Variants in SGK3 observed in about 807,000 individuals in gnomAD.
The protein encoded by SGK3 is serum/glucocorticoid regulated kinase family member 3.
A neutral mutation model predicts 68.5 loss-of-function variants in SGK3; 47 were observed. That is an observed-to-expected ratio of 0.69 (90% CI 0.54 to 0.87). SGK3 has a LOEUF of 0.87. Ranked by LOEUF, SGK3 falls within the 40% of genes least tolerant of loss-of-function variation. SGK3 has a pLI of 0.00. For synonymous variants in SGK3, 181 were observed against 189.1 expected (o/e 0.96, Z 0.35); for missense variants, 479 against 575.5 (o/e 0.83, Z 1.72).
chr8:66,800,365 G>T (rs1426882053), intron 3 of SGK3, among the ~76,000 whole-genome samples: 1 of 146,752 alleles, frequency 6.8e-6, no homozygotes, highest in African/African-American at 2.5e-5. Flanking sequence ...GGCGGGGGGG[G>T]AGTTTTTTCA....
At chr8:66,843,756 G>T (rs1264830536) in intron 14 of SGK3, among the ~76,000 whole-genome samples, 2 of 152,148 alleles carry the variant, frequency 1.3e-5, no homozygotes, top group Non-Finnish European at 1.5e-5. Flanking sequence ...CACTTTGGGA[G>T]GCCAAGGCAG....
chr8:66,797,752 G>GCTACA (rs1807757744), intron 2 of SGK3, among the ~76,000 whole-genome samples: 2 of 152,126 alleles, frequency 1.3e-5, no homozygotes, highest in Non-Finnish European at 2.9e-5. Context: ...AAAATACTTT[G>GCTACA]TAAGTTCCAG....
intron 7 of SGK3, among the ~76,000 whole-genome samples, chr8:66,829,208 T>G (rs970488364): frequency 3.3e-5 from 5 of 152,188 alleles, no homozygotes; most frequent in Non-Finnish European, 7.3e-5. Flanking sequence ...TCTCCCCATA[T>G]TCCCAGGCTA....
rs756819734 is a variant in SGK3, at chr8:66,840,017, A to G, written c.756A>G (p.Leu252=). The G allele has an allele frequency of 2.5e-6, 4 of 1,613,206 alleles. No individual in the cohort carries two copies. The highest frequency in any genetic ancestry group is 3.4e-6 in the Non-Finnish European group (4 of 1,179,772). ...FVNGGELFFH[L]QRERSFPEHR... is the part of the protein sequence containing the mutation. ...CAATTTGACAGCTTTTTTTCCACTTACAAAGAGAACGGTCCTTTCCTGAGC... is the reference window on the plus strand; with the variant it reads ...CAATTTGACAGCTTTTTTTCCACTTGCAAAGAGAACGGTCCTTTCCTGAGC... Residue 252 remains leucine (L), a synonymous_variant, in exon 11 of 17, where the codon TTA becomes TTG. Coordinates refer to ENST00000521198, the MANE Select transcript of SGK3 (RefSeq NM_001033578.3).
rs774341369 is a variant in SGK3, at chr8:66,793,728, A to G, written c.-9A>G. ...GGATGCATTTTTTGGTGTGCTCTTG[A>G]GGGATTAAATGCAAAGAGATCACAC... is the stretch of plus-strand genomic sequence containing the variant. On this transcript the variant is annotated 5_prime_UTR_variant, in exon 2 of 17. It removes the in-frame stop codon of an upstream open reading frame in the 5' UTR. Coordinates refer to ENST00000521198, the MANE Select transcript of SGK3 (RefSeq NM_001033578.3). 1.9e-6 allele frequency: 3 copies of G among 1,611,686 alleles called. No individual in the cohort carries two copies. The South Asian group carries it at 3.3e-5, about 18-fold the overall frequency.
intron 1 of SGK3, among the ~76,000 whole-genome samples, chr8:66,739,999 A>G (rs1463743171): frequency 1.3e-5 from 2 of 152,222 alleles, no homozygotes; most frequent in Non-Finnish European, 2.9e-5. Flanking sequence ...GGGAACTACA[A>G]TTCAAGATGA....
chr8:66,716,601 A>C (rs149076210), intron 1 of SGK3, among the ~76,000 whole-genome samples: 1 of 151,932 alleles, frequency 6.6e-6, no homozygotes, highest in Non-Finnish European at 1.5e-5. Context: ...TGAAGATACA[A>C]GGGGAATTGT....
At chr8:66,839,851 C>T (rs1345119476) in intron 10 of SGK3, 152 bp from the exon 11 acceptor site, 4 of 651,408 alleles carry the variant, frequency 6.1e-6, no homozygotes, top group South Asian at 2.3e-5. Context: ...GAAGGGGAGT[C>T]ACATTTCTGT....
At chr8:66,732,844 A>G (rs934246248) in intron 1 of SGK3, among the ~76,000 whole-genome samples, 5 of 149,108 alleles carry the variant, frequency 3.4e-5, no homozygotes, top group Admixed American at 3.3e-4. Context: ...GAGAGACCAC[A>G]TAAATTTTAT....
At chr8:66,762,406 A>G (rs901045084) in intron 1 of SGK3, among the ~76,000 whole-genome samples, 2 of 152,158 alleles carry the variant, frequency 1.3e-5, no homozygotes, top group African/African-American at 4.8e-5. Flanking sequence ...AATCCCAGGT[A>G]CTCGGGAGGC....
chr8:66,722,494 G>C (rs368989765), intron 1 of SGK3, among the ~76,000 whole-genome samples: 1 of 152,122 alleles, frequency 6.6e-6, no homozygotes, highest in African/African-American at 2.4e-5. Context: ...GGATGGTCTC[G>C]ATCTGCTGAC....
At chr8:66,779,944 G>A (rs996775655) in intron 1 of SGK3, among the ~76,000 whole-genome samples, 2 of 151,938 alleles carry the variant, frequency 1.3e-5, no homozygotes, top group African/African-American at 4.8e-5. Context: ...TTATCACACT[G>A]CATAAGCATC....
At position 66,851,963 on chromosome 8, in the gene SGK3, A is replaced by G. The variant is rs1402277799; in HGVS notation, c.1320+1043A>G. Among the ~76,000 whole-genome samples the G allele has an allele frequency of 4.6e-5, 7 of 152,314 alleles. No homozygotes were observed. In the East Asian group the frequency reaches 1.3e-3, roughly 29 times the overall value. On this transcript the variant is annotated intron_variant, in intron 16 of 16. Coordinates refer to ENST00000521198, the MANE Select transcript of SGK3 (RefSeq NM_001033578.3). ...TATAAATGAGGAAATAGAAGCTCAGAGATGTCTCATAGCTGGATAGTAGAG... is the reference window on the plus strand; with the variant it reads ...TATAAATGAGGAAATAGAAGCTCAGGGATGTCTCATAGCTGGATAGTAGAG...
At chr8:66,768,389 G>A (rs987210016) in intron 1 of SGK3, among the ~76,000 whole-genome samples, 1 of 147,494 alleles carries the variant, frequency 6.8e-6, no homozygotes, top group African/African-American at 2.5e-5. Context: ...GTTTCTTGTT[G>A]TATGAGTCTA....
At chr8:66,846,018 T>A (rs1280094354) in intron 14 of SGK3, among the ~76,000 whole-genome samples, 1 of 152,120 alleles carries the variant, frequency 6.6e-6, no homozygotes, top group Non-Finnish European at 1.5e-5. Flanking sequence ...TAACTAATAT[T>A]TAAAAGGTAA....
chr8:66,846,572 C>A (rs192543129), intron 14 of SGK3, among the ~76,000 whole-genome samples: 1 of 152,168 alleles, frequency 6.6e-6, no homozygotes, highest in Non-Finnish European at 1.5e-5. Context: ...CCTCAGCCCC[C>A]CAAAGTGCTG....
intron 4 of SGK3, among the ~76,000 whole-genome samples, chr8:66,810,233 AC>A (rs1275531148): frequency 5.9e-5 from 9 of 152,258 alleles, no homozygotes; most frequent in Admixed American, 2.0e-4. Context: ...ACCAAAAAAA[AC>A]AAAACAAAAA....
At chr8:66,720,915 C>T (rs1804777780) in intron 1 of SGK3, among the ~76,000 whole-genome samples, 1 of 152,078 alleles carries the variant, frequency 6.6e-6, no homozygotes, top group African/African-American at 2.4e-5. Context: ...CACTGCACTC[C>T]AGCTTGGGTG....
At chr8:66,776,733 C>A (rs1366573036) in intron 1 of SGK3, among the ~76,000 whole-genome samples, 1 of 152,214 alleles carries the variant, frequency 6.6e-6, no homozygotes, top group Non-Finnish European at 1.5e-5. Context: ...CCAGCACTAT[C>A]CTGCTTGGTA....
Sources: gnomAD v4.1 joint callset for allele counts (sites outside exome capture counted in the v4.1 genomes callset) on GRCh38, gnomAD v4.1.1 for gene constraint, MANE v1.5 for transcripts, NCBI Gene and HGNC (gene_info 2026-07-23, HGNC 2026-07-21) for gene names.